Variants in DLGAP1 observed in about 807,000 individuals in gnomAD.
DLGAP1 encodes the protein DLG associated protein 1.
In DLGAP1, 11 loss-of-function variants were observed where a neutral mutation model predicts 90.8. That is an observed-to-expected ratio of 0.12 (90% CI 0.08 to 0.20). The LOEUF (loss-of-function observed/expected upper bound fraction) is 0.20, where lower values mean the gene tolerates loss of function less well. Ranked by LOEUF, DLGAP1 falls within the 10% of genes least tolerant of loss-of-function variation. The pLI, the probability that DLGAP1 is intolerant of heterozygous loss-of-function variation, is 1.00. For missense variants in DLGAP1, 1,050 were observed against 1,333.8 expected (o/e 0.79, Z 3.31); for synonymous variants, 558 against 540.7 (o/e 1.03, Z -0.44).
chr18:3,591,402 C>T (rs1195690422), intron 7 of DLGAP1, among the ~76,000 whole-genome samples: 1 of 151,970 alleles, frequency 6.6e-6, no homozygotes, highest in Non-Finnish European at 1.5e-5. Context: ...GAAGTATGGA[C>T]CTAGGCCTGT....
intron 5 of DLGAP1, among the ~76,000 whole-genome samples, chr18:3,797,966 A>G (rs1337762501): frequency 1.3e-5 from 2 of 152,176 alleles, no homozygotes. Flanking sequence ...TGGTTTTATA[A>G]GGGGAAACCC....
intron 7 of DLGAP1, among the ~76,000 whole-genome samples, chr18:3,720,895 A>AAAAAAAAAAAAAAAAAAAAAAG (rs2061953800): frequency 7.1e-6 from 1 of 140,408 alleles, no homozygotes; most frequent in African/African-American, 2.9e-5. Flanking sequence ...CTACAAAAAA[A>AAAAAAAAAAAAAAAAAAAAAAG]AAAAAAAAAA....
At chr18:3,798,565 G>A (rs751429220) in intron 5 of DLGAP1, among the ~76,000 whole-genome samples, 1 of 152,200 alleles carries the variant, frequency 6.6e-6, no homozygotes, top group South Asian at 2.1e-4. Context: ...AGCCTCATGG[G>A]ACTTGGCACA....
At chr18:4,439,821 A>T (rs565254715) in intron 1 of DLGAP1, among the ~76,000 whole-genome samples, 161 of 152,060 alleles carry the variant, frequency 1.1e-3, no homozygotes, top group African/African-American at 3.7e-3. Flanking sequence ...AAAAAATTTT[A>T]AAAAAAGAAA....
chr18:3,998,481 A>G (rs1185752592), intron 3 of DLGAP1, among the ~76,000 whole-genome samples: 1 of 139,714 alleles, frequency 7.2e-6, no homozygotes, highest in Non-Finnish European at 1.6e-5. Flanking sequence ...TTCCTTCCAC[A>G]GACCTGTAAT....
intron 7 of DLGAP1, among the ~76,000 whole-genome samples, chr18:3,618,938 C>CAA (rs35538124): frequency 3.0e-5 from 4 of 132,166 alleles, no homozygotes; most frequent in Non-Finnish European, 6.6e-5. Flanking sequence ...GACTCCGTCT[C>CAA]AAAAAAAAAA....
chr18:4,055,485 C>T (rs1214217563), intron 2 of DLGAP1, among the ~76,000 whole-genome samples: 2 of 152,124 alleles, frequency 1.3e-5, no homozygotes, highest in African/African-American at 2.4e-5. Flanking sequence ...CTCTTCTTTG[C>T]GTCCATGTGT....
At chr18:4,413,025 A>C (rs1380004651) in intron 1 of DLGAP1, among the ~76,000 whole-genome samples, 1 of 152,226 alleles carries the variant, frequency 6.6e-6, no homozygotes, top group Non-Finnish European at 1.5e-5. Flanking sequence ...GTCTGGCATC[A>C]GGGAATTCAC....
At chr18:4,249,363 G>C (rs1197250843) in intron 1 of DLGAP1, among the ~76,000 whole-genome samples, 1 of 145,368 alleles carries the variant, frequency 6.9e-6, no homozygotes, top group Non-Finnish European at 1.5e-5. Flanking sequence ...GACTAGATGT[G>C]AAAAAGAGCA....
intron 3 of DLGAP1, among the ~76,000 whole-genome samples, chr18:3,881,332 T>C (rs150878649): frequency 6.6e-6 from 1 of 152,238 alleles, no homozygotes; most frequent in Non-Finnish European, 1.5e-5. Context: ...GTCAGGCTAG[T>C]CTCTACATGT....
intron 5 of DLGAP1, among the ~76,000 whole-genome samples, chr18:3,788,338 C>T (rs2065556850): frequency 6.6e-6 from 1 of 152,118 alleles, no homozygotes; most frequent in African/African-American, 2.4e-5. Flanking sequence ...TCCAAAACAA[C>T]AGAATAAGCT....
chr18:3,728,437 G>A, intron 7 of DLGAP1, among the ~76,000 whole-genome samples: 1 of 151,704 alleles, frequency 6.6e-6, no homozygotes, highest in African/African-American at 2.4e-5. Context: ...AGGTTCCAGT[G>A]TCACAGAAAC....
chr18:4,278,711 A>ATG (rs921686076), intron 1 of DLGAP1, among the ~76,000 whole-genome samples: 9 of 151,244 alleles, frequency 6.0e-5, no homozygotes, highest in Non-Finnish European at 7.4e-5. Context: ...ATATATGTGC[A>ATG]TGTGTGTGTG....
intron 1 of DLGAP1, among the ~76,000 whole-genome samples, chr18:4,425,890 T>G (rs1384554016): frequency 6.6e-6 from 1 of 152,178 alleles, no homozygotes; most frequent in African/African-American, 2.4e-5. Context: ...CCCACTGAAT[T>G]TGATTGCATG....
In DLGAP1 at chr18:3,708,342, G is replaced by A. The variant is rs540784403; in HGVS notation, c.1591+20793C>T. On this transcript the variant is annotated intron_variant, in intron 7 of 12. Transcript: ENST00000315677. ...TCTGAGCAAGAACACACATCTGACCGTTGTAAAACAAAATGTTTTTTATTG... is the reference window on the plus strand; with the variant it reads ...TCTGAGCAAGAACACACATCTGACCATTGTAAAACAAAATGTTTTTTATTG... 159 of 449,060 alleles carry A rather than the reference G, an allele frequency of 3.5e-4. 2 individuals carry two copies. The highest frequency in any genetic ancestry group is 2.0e-3 in the South Asian group (128 of 63,538). 27.8% of individuals were successfully genotyped at this position (449,060 alleles called of 1,614,324 possible).
intron 7 of DLGAP1, among the ~76,000 whole-genome samples, chr18:3,628,312 C>A (rs2058388719): frequency 6.6e-6 from 1 of 151,474 alleles, no homozygotes. Flanking sequence ...ATTTCAGCCT[C>A]CCAAGTAGGT....
intron 7 of DLGAP1, among the ~76,000 whole-genome samples, chr18:3,709,332 T>C (rs1241387652): frequency 6.6e-6 from 1 of 152,168 alleles, no homozygotes; most frequent in African/African-American, 2.4e-5. Flanking sequence ...TTCCTAAGAC[T>C]GAAGAATGTA....
intron 3 of DLGAP1, among the ~76,000 whole-genome samples, chr18:3,927,745 A>G (rs1160558184): frequency 6.6e-6 from 1 of 152,244 alleles, no homozygotes; most frequent in East Asian, 1.9e-4. Context: ...TGATGGAAAT[A>G]CCAACATGTG....
At chr18:3,535,567 G>T (rs139476490) in intron 9 of DLGAP1, among the ~76,000 whole-genome samples, 1 of 151,976 alleles carries the variant, frequency 6.6e-6, no homozygotes, top group Non-Finnish European at 1.5e-5. Context: ...CATTAGTCGG[G>T]CGTGGTGGTG....
Sources: allele counts gnomAD v4.1 joint callset (sites outside exome capture counted in the v4.1 genomes callset), GRCh38; gene constraint gnomAD v4.1.1; transcripts MANE v1.5; gene names NCBI Gene and HGNC (gene_info 2026-07-23, HGNC 2026-07-21).